AADAT: variants seen among roughly 807,000 people sequenced by gnomAD.
AADAT encodes the protein aminoadipate aminotransferase, also known as kynurenine/alpha-aminoadipate aminotransferase, mitochondrial.
In AADAT, 25 loss-of-function variants were observed where a neutral mutation model predicts 56.2. The observed-to-expected ratio is 0.44, with a 90% CI of 0.32 to 0.62. AADAT has a LOEUF of 0.62. Ranked by LOEUF, AADAT falls within the 20% of genes least tolerant of loss-of-function variation. The pLI, the probability that AADAT is intolerant of heterozygous loss-of-function variation, is 0.04. For synonymous variants in AADAT, 173 were observed against 164.7 expected (o/e 1.05, Z -0.39); for missense variants, 387 against 510.5 (o/e 0.76, Z 2.33).
At chr4:170,092,946 T>C (rs1437421371), upstream of AADAT, among the ~76,000 whole-genome samples, 2 of 152,240 alleles carry the variant, frequency 1.3e-5, no homozygotes, top group African/African-American at 2.4e-5. Flanking sequence ...GTGTTTGAGC[T>C]TGTCCATTCT....
intron 9 of AADAT, 68 bp from the exon 10 acceptor site, chr4:170,066,546 A>G (rs746236198): frequency 2.1e-5 from 23 of 1,111,192 alleles, no homozygotes; most frequent in African/African-American, 3.1e-5. Context: ...CAGTCTCCAG[A>G]GTCCAGGCTA....
chr4:170,066,467 A>C lies in AADAT; in HGVS notation c.974T>G (p.Phe325Cys). The C allele has an allele frequency of 1.2e-6, 2 of 1,613,560 alleles. No homozygotes were observed. The highest frequency in any genetic ancestry group is 1.7e-6 in the Non-Finnish European group (2 of 1,179,610). The change falls in exon 10 of 13, where the codon TTC (phenylalanine) becomes TGC (cysteine). Residue 325 changes from phenylalanine to cysteine, a missense_variant. By Grantham distance (205) the Phe-to-Cys change is radical. Coordinates refer to ENST00000337664, the MANE Select transcript of AADAT (RefSeq NM_016228.4). ...FMAHVDRVID[F>C]YSNQKDAILA... Reference sequence around the variant, plus strand: ...TATTGCATCCTTCTGGTTACTATAGAAATCAATAACCCTAGAAAAAGAAAA... The same window carrying C: ...TATTGCATCCTTCTGGTTACTATAGCAATCAATAACCCTAGAAAAAGAAAA...
At chr4:170,090,806 C>T (rs1354001848), upstream of AADAT, among the ~76,000 whole-genome samples, 1 of 152,188 alleles carries the variant, frequency 6.6e-6, no homozygotes, top group Non-Finnish European at 1.5e-5. Flanking sequence ...TTCAGACAAC[C>T]TCTCTTTGAC....
At chr4:170,087,051 G>C (rs539043650) in intron 3 of AADAT, 65 bp downstream of exon 3, 1 of 1,579,754 alleles carries the variant, frequency 6.3e-7, no homozygotes, top group South Asian at 1.1e-5. Context: ...GGTTAAGTGC[G>C]AGAGGACTAT....
At chr4:170,064,112 T>A (rs1365779573) in intron 11 of AADAT, among the ~76,000 whole-genome samples, 2 of 152,178 alleles carry the variant, frequency 1.3e-5, no homozygotes, top group Admixed American at 6.6e-5. Flanking sequence ...ATACTATAAA[T>A]GGTCACAAAA....
rs762346026 is a variant in AADAT at position 170,067,395 on chromosome 4, G to A, written c.901-7C>T. On this transcript the variant is annotated splice_polypyrimidine_tract_variant and splice_region_variant and intron_variant, in intron 8 of 12. Transcript: ENST00000337664. ...GAAGCTGTGATATCATGAGCTAAAA[G>A]AGATAAAATCATAAATACCATGTTT... The A allele has an allele frequency of 3.7e-6, 6 of 1,610,970 alleles. No homozygotes were observed. The highest frequency in any genetic ancestry group is 1.1e-5 in the South Asian group (1 of 90,510).
At chr4:170,070,806 A>G (rs1401614323) in intron 5 of AADAT, among the ~76,000 whole-genome samples, 154 bp from the exon 6 acceptor site, 1 of 152,256 alleles carries the variant, frequency 6.6e-6, no homozygotes, top group East Asian at 1.9e-4. Context: ...AAAGAGGAAC[A>G]AGGCATTAAA....
upstream of AADAT, among the ~76,000 whole-genome samples, chr4:170,092,991 A>G (rs1010506364): frequency 2.8e-4 from 43 of 152,338 alleles, no homozygotes; most frequent in African/African-American, 9.6e-4. Context: ...GAAGTTAACA[A>G]GCACCGGAAA....
chr4:170,085,276 C>G (rs1038828940), intron 3 of AADAT, among the ~76,000 whole-genome samples: 1 of 151,980 alleles, frequency 6.6e-6, no homozygotes, highest in Non-Finnish European at 1.5e-5. Context: ...GAGTCATTGC[C>G]CTTAAACCCC....
At chr4:170,089,399 C>A (rs1434477419) in intron 1 of AADAT, 4 of 603,090 alleles carry the variant, frequency 6.6e-6, no homozygotes, top group Non-Finnish European at 8.9e-6. Flanking sequence ...TCTACTGTTG[C>A]TCCTACTCTG....
At chr4:170,092,802 T>G (rs1451054284), upstream of AADAT, among the ~76,000 whole-genome samples, 1 of 152,254 alleles carries the variant, frequency 6.6e-6, no homozygotes, top group Admixed American at 6.5e-5. Flanking sequence ...GTAAAAACGC[T>G]ATGAACATTG....
chr4:170,079,720 G>C (rs1732198973), intron 3 of AADAT, among the ~76,000 whole-genome samples: 1 of 152,106 alleles, frequency 6.6e-6, no homozygotes. Context: ...TAGATGGTGG[G>C]GGTGGTGCCA....
chr4:170,087,879 G>A (rs536860533), intron 2 of AADAT, among the ~76,000 whole-genome samples: 1 of 151,800 alleles, frequency 6.6e-6, no homozygotes, highest in South Asian at 2.1e-4. Flanking sequence ...TTGAATGGCT[G>A]CTTGTTTAGA....
At chr4:170,067,460 A>T in intron 8 of AADAT, 72 bp from the exon 9 acceptor site, 1 of 1,242,206 alleles carries the variant, frequency 8.1e-7, no homozygotes, top group Non-Finnish European at 1.2e-6. Flanking sequence ...TATAAAAGCA[A>T]CTCACTTTTG....
intron 6 of AADAT, among the ~76,000 whole-genome samples, chr4:170,069,516 T>C (rs899173947): frequency 2.0e-5 from 3 of 152,124 alleles, no homozygotes; most frequent in Non-Finnish European, 2.9e-5. Context: ...ACAGGCCCTC[T>C]TTGCCCCAGA....
At chr4:170,092,186 T>C (rs1193866365), upstream of AADAT, among the ~76,000 whole-genome samples, 3 of 152,252 alleles carry the variant, frequency 2.0e-5, no homozygotes, top group Non-Finnish European at 4.4e-5. Flanking sequence ...TGGATACTTT[T>C]GCAGCGTGTG....
In AADAT at chr4:170,068,691, C is replaced by A. The variant is rs371382324; in HGVS notation, c.804-4G>T. 1 of 1,572,796 alleles carries A rather than the reference C, an allele frequency of 6.4e-7. No individual in the cohort carries two copies. Among genetic ancestry groups the A allele is most frequent in the African/African-American group, 1.4e-5 (1 of 72,566 alleles). ...AGTTAAAAATCCTATTCTCAACCTA[C>A]GTGGAAAGAGAAAAGGCACGATACC... On this transcript the variant is annotated splice_polypyrimidine_tract_variant and splice_region_variant and intron_variant, in intron 7 of 12. Coordinates refer to ENST00000337664, the MANE Select transcript of AADAT (RefSeq NM_016228.4).
chr4:170,078,592 A>G lies in AADAT; in HGVS notation c.370-9T>C. ...ATGATCATTTCAAACACCTAACAAAAGAAGCATAGGTTAGCTTGTTAGTCA... is the reference window on the plus strand; with the variant it reads ...ATGATCATTTCAAACACCTAACAAAGGAAGCATAGGTTAGCTTGTTAGTCA... On this transcript the variant is annotated splice_polypyrimidine_tract_variant and intron_variant, in intron 3 of 12. Coordinates refer to ENST00000337664, the MANE Select transcript of AADAT (RefSeq NM_016228.4). The G allele has an allele frequency of 6.3e-7, 1 of 1,594,304 alleles. No homozygotes were observed. The highest frequency in any genetic ancestry group is 8.6e-7 in the Non-Finnish European group (1 of 1,167,022).
rs536657903 is a variant in AADAT, at chr4:170,074,237, G to A, written c.445-892C>T. Reference sequence around the variant, plus strand: ...CTTTCATTTTAGATTCAAGGGGTACGTGTGCAGGTTTGTTACATGGGTATA... The same window carrying A: ...CTTTCATTTTAGATTCAAGGGGTACATGTGCAGGTTTGTTACATGGGTATA... On this transcript the variant is annotated intron_variant, in intron 4 of 12. Transcript: ENST00000337664. Among the ~76,000 whole-genome samples the A allele has an allele frequency of 7.9e-5, 12 of 152,000 alleles. No individual in the cohort carries two copies. In the South Asian group the frequency reaches 1.9e-3, roughly 24 times the overall value.
Sources: allele counts gnomAD v4.1 joint callset (sites outside exome capture counted in the v4.1 genomes callset), GRCh38; gene constraint gnomAD v4.1.1; transcripts MANE v1.5; gene names NCBI Gene and HGNC (gene_info 2026-07-23, HGNC 2026-07-21).